Variants in MMP16 observed in about 807,000 individuals in gnomAD.
MMP16 encodes the protein matrix metallopeptidase 16.
A neutral mutation model predicts 67.8 loss-of-function variants in MMP16; 12 were observed. The observed-to-expected ratio is 0.18, with a 90% CI of 0.11 to 0.29. The LOEUF (loss-of-function observed/expected upper bound fraction) is 0.29. MMP16 is among the 10% of genes least tolerant of loss of function. The pLI, the probability that MMP16 is intolerant of heterozygous loss-of-function variation, is 1.00. For synonymous variants in MMP16, 249 were observed against 255.9 expected, an observed-to-expected ratio of 0.97 and a Z score of 0.26; for missense variants, 475 against 765.7, an observed-to-expected ratio of 0.62 and a Z score of 4.48.
intron 8 of MMP16, among the ~76,000 whole-genome samples, chr8:88,047,511 C>T (rs865855334): frequency 1.7e-4 from 26 of 152,140 alleles, no homozygotes; most frequent in African/African-American, 5.3e-4. Context: ...GATAAGTTGA[C>T]ATCTGAGCAG....
intron 1 of MMP16, among the ~76,000 whole-genome samples, chr8:88,287,555 T>C (rs1024232731): frequency 2.6e-5 from 4 of 152,208 alleles, no homozygotes; most frequent in Non-Finnish European, 5.9e-5. Context: ...ATGCCTCTTT[T>C]TGTTCATTGT....
chr8:88,287,281 T>C (rs1030359223), intron 1 of MMP16, among the ~76,000 whole-genome samples: 1 of 152,184 alleles, frequency 6.6e-6, no homozygotes, highest in African/African-American at 2.4e-5. Flanking sequence ...CTCAGTAACA[T>C]CTCTCCCCAT....
chr8:88,118,285 T>C (rs955405336), intron 5 of MMP16, among the ~76,000 whole-genome samples: 1 of 152,086 alleles, frequency 6.6e-6, no homozygotes, highest in African/African-American at 2.4e-5. Context: ...ACATCAAATC[T>C]CACAAACTAT....
In MMP16 at chr8:88,179,230, T is replaced by C. The variant is rs186324082; in HGVS notation, c.404+7246A>G. On this transcript the variant is annotated intron_variant, in intron 3 of 9. Transcript: ENST00000286614. ...AGAAGGGGGTAAAATACCTTATCTGTAGATGAACAAAGATACCAATTCTAT... is the reference window on the plus strand; with the variant it reads ...AGAAGGGGGTAAAATACCTTATCTGCAGATGAACAAAGATACCAATTCTAT... Among the ~76,000 whole-genome samples the C allele has an allele frequency of 1.3e-3, 202 of 152,074 alleles. 1 individual carries two copies. The highest frequency in any genetic ancestry group is 5.3e-4 in the Non-Finnish European group (36 of 67,950).
intron 5 of MMP16, 60 bp from the exon 6 acceptor site, chr8:88,116,778 A>G: frequency 1.4e-6 from 2 of 1,431,216 alleles, no homozygotes; most frequent in African/African-American, 1.4e-5. Context: ...GCTGGAAAAT[A>G]TGCTACAGAG....
intron 7 of MMP16, among the ~76,000 whole-genome samples, chr8:88,063,008 T>C (rs1283778058): frequency 1.3e-5 from 2 of 152,102 alleles, no homozygotes; most frequent in Middle Eastern, 3.2e-3. Flanking sequence ...CTGGATTTCA[T>C]ATGAGGTTGA....
Position 88,050,272 on chromosome 8 carries a change from G to A in MMP16, c.1374-3488C>T, listed in dbSNP as rs139611792. Among the ~76,000 whole-genome samples the A allele has an allele frequency of 5.6e-3, 856 of 152,282 alleles. 5 individuals are homozygous for A. Among genetic ancestry groups the A allele is most frequent in the African/African-American group, 0.02 (817 of 41,556 alleles). On this transcript the variant is annotated intron_variant, in intron 8 of 9. Coordinates refer to ENST00000286614, the MANE Select transcript of MMP16 (RefSeq NM_005941.5). ...CAGGAGGCGAAGGTTGCAGCGAGCC[G>A]AGATAGTGCCACTGCACTCCGGCTT...
intron 1 of MMP16, among the ~76,000 whole-genome samples, chr8:88,248,141 C>A (rs1402890707): frequency 6.6e-6 from 1 of 151,940 alleles, no homozygotes; most frequent in African/African-American, 2.4e-5. Flanking sequence ...CATCATCTAC[C>A]CACTTATGCA....
In MMP16 at chr8:88,038,156, AC is replaced by A. The variant is rs369858352; in HGVS notation, c.*3304del. 6 of 152,002 alleles carry A rather than the reference AC, an allele frequency of 3.9e-5. No homozygotes were observed. Among genetic ancestry groups the A allele is most frequent in the African/African-American group, 1.4e-4 (6 of 41,420 alleles). The allele number at this position is 152,002 out of a possible 1,614,324, so 9.4% of individuals were successfully genotyped here. ...ATGTAGAAGAGGAGTCAGGAACCAT[AC>A]CCACAAAGTAGCTGGTGTACAATAA... On this transcript the variant is annotated 3_prime_UTR_variant, in exon 10 of 10. Transcript: ENST00000286614. The surrounding 1 kb of genome is among the most constrained non-coding windows in gnomAD (Gnocchi z 4.1).
chr8:88,162,263 A>C (rs1220858990), intron 4 of MMP16, among the ~76,000 whole-genome samples: 1 of 152,014 alleles, frequency 6.6e-6, no homozygotes, highest in Non-Finnish European at 1.5e-5. Context: ...AGTACTATCA[A>C]ACTTTTGATT....
chr8:88,063,606 C>T (rs746934778), intron 7 of MMP16, among the ~76,000 whole-genome samples: 4 of 151,494 alleles, frequency 2.6e-5, no homozygotes, highest in Admixed American at 6.6e-5. Flanking sequence ...TCAGATGTAC[C>T]GGATCAGAAA....
At chr8:88,086,973 C>G (rs1258211842) in intron 6 of MMP16, among the ~76,000 whole-genome samples, 1 of 151,816 alleles carries the variant, frequency 6.6e-6, no homozygotes, top group Non-Finnish European at 1.5e-5. Context: ...GAGAGAAAAA[C>G]AGAGACAGAG....
At chr8:88,092,135 T>C (rs529011350) in intron 6 of MMP16, among the ~76,000 whole-genome samples, 37 of 151,986 alleles carry the variant, frequency 2.4e-4, no homozygotes, top group African/African-American at 8.2e-4. Flanking sequence ...TAACTACTGA[T>C]AAAAAATTTG....
intron 1 of MMP16, among the ~76,000 whole-genome samples, chr8:88,324,882 C>A (rs1472790082): frequency 6.6e-6 from 1 of 152,114 alleles, no homozygotes; most frequent in Non-Finnish European, 1.5e-5. Context: ...GGGGGGGTAT[C>A]ATTACACATA....
intron 1 of MMP16, among the ~76,000 whole-genome samples, chr8:88,282,082 T>C (rs10103919): frequency 1.7e-5 from 2 of 116,154 alleles, no homozygotes; most frequent in Non-Finnish European, 3.4e-5. Flanking sequence ...TTTTCTTTTT[T>C]GGGGGGGGGG....
intron 4 of MMP16, among the ~76,000 whole-genome samples, chr8:88,119,612 ATATTTGG>A (rs988221908): frequency 2.6e-5 from 4 of 152,010 alleles, no homozygotes; most frequent in African/African-American, 9.7e-5. Flanking sequence ...CTCTGCAGAG[ATATTTGG>A]TGTGATTTTA....
chr8:88,186,301 G>T, intron 3 of MMP16, 175 bp downstream of exon 3: 1 of 669,124 alleles, frequency 1.5e-6, no homozygotes, highest in African/African-American at 1.8e-5. Context: ...TGTCTACATA[G>T]GGTGTCTAAT....
intron 4 of MMP16, among the ~76,000 whole-genome samples, chr8:88,151,806 A>G (rs1377805526): frequency 6.9e-6 from 1 of 145,416 alleles, no homozygotes; most frequent in Non-Finnish European, 1.5e-5. Flanking sequence ...TAAAAGAACT[A>G]GAAAAGCAAG....
chr8:88,250,555 T>C (rs1586226468), intron 1 of MMP16, among the ~76,000 whole-genome samples: 1 of 152,014 alleles, frequency 6.6e-6, no homozygotes, highest in African/African-American at 2.4e-5. Context: ...TTAAATCAGA[T>C]TGTTTTGTAG....
Sources: gnomAD v4.1 joint callset for allele counts (sites outside exome capture counted in the v4.1 genomes callset) on GRCh38, gnomAD v4.1.1 for gene constraint, Gnocchi (gnomAD v3.1) non-coding constraint, MANE v1.5 for transcripts, NCBI Gene and HGNC (gene_info 2026-07-23, HGNC 2026-07-21) for gene names.